Variants in STRAP observed in about 807,000 individuals in gnomAD.
The protein encoded by STRAP is serine/threonine kinase receptor associated protein.
In STRAP, 16 loss-of-function variants were observed where a neutral mutation model predicts 47.0. The ratio of observed to expected loss-of-function variants is 0.34; its 90% CI spans 0.23 to 0.52. The LOEUF is 0.52. Among genes scored for constraint, STRAP ranks in the 20% least tolerant of loss-of-function variants. The probability of loss-of-function intolerance (pLI) is 0.96; values close to 1 mark genes in which losing one functional copy is unlikely to be tolerated. For missense variants in STRAP, 293 were observed against 420.0 expected (o/e 0.70, Z 2.64); for synonymous variants, 130 against 142.7 (o/e 0.91, Z 0.63).
At position 15,896,553 on chromosome 12, in the gene STRAP, T is replaced by G. The variant is rs1948061724; in HGVS notation, c.638+1057T>G. ...TGTACAGTATTTGTGTTTTTTTTTT[T>G]AATTACTAGGACCATAATGAATACC... On this transcript the variant is annotated intron_variant, in intron 6 of 9. Transcript: ENST00000419869. This position sits in a 1 kb window ranked among gnomAD's most constrained non-coding sequence, Gnocchi z 4.1. 6.6e-6 allele frequency among the ~76,000 whole-genome samples: 1 copy of G among 152,078 alleles called. No homozygotes were observed. Among genetic ancestry groups the G allele is most frequent in the African/African-American group, 2.4e-5 (1 of 41,390 alleles).
At chr12:15,893,665 CTTATACAA>C (rs1321869589) in intron 4 of STRAP, among the ~76,000 whole-genome samples, 1 of 146,494 alleles carries the variant, frequency 6.8e-6, no homozygotes, top group Non-Finnish European at 1.5e-5. Context: ...ATTTATTATA[CTTATACAA>C]TTATACAATA....
chr12:15,898,778 A>G (rs552037890), intron 7 of STRAP, among the ~76,000 whole-genome samples: 7 of 152,264 alleles, frequency 4.6e-5, no homozygotes, highest in African/African-American at 1.7e-4. Context: ...ATTTTTATCT[A>G]TAAGCTGTCT....
intron 2 of STRAP, among the ~76,000 whole-genome samples, chr12:15,889,379 T>G (rs1386206889): frequency 2.0e-5 from 3 of 152,162 alleles, no homozygotes; most frequent in Non-Finnish European, 1.5e-5. Flanking sequence ...AAGTCAGCTT[T>G]GAAGAAGAGA....
chr12:15,896,275 A>G lies in STRAP; in HGVS notation c.638+779A>G, dbSNP rs1414287659. ...AAAAAAACAGTGTGATCTTGATTCT[A>G]CTATTTATTTTCACCTTAAAGTTTT... On this transcript the variant is annotated intron_variant, in intron 6 of 9. Coordinates refer to ENST00000419869, the MANE Select transcript of STRAP (RefSeq NM_007178.4). This position sits in a 1 kb window ranked among gnomAD's most constrained non-coding sequence, Gnocchi z 4.1. 6.6e-6 allele frequency among the ~76,000 whole-genome samples: 1 copy of G among 152,128 alleles called. No homozygotes were observed. The highest frequency in any genetic ancestry group is 1.5e-5 in the Non-Finnish European group (1 of 68,012).
chr12:15,883,161 G>A, intron 1 of STRAP: 6 of 1,531,164 alleles, frequency 3.9e-6, no homozygotes, highest in African/African-American at 1.4e-5. Flanking sequence ...GAGAAATTAG[G>A]CCAGGCCGTG....
intron 4 of STRAP, among the ~76,000 whole-genome samples, chr12:15,893,440 T>C (rs975084724): frequency 6.8e-6 from 1 of 147,150 alleles, no homozygotes; most frequent in African/African-American, 2.5e-5. Context: ...TAAAATACTT[T>C]TTATTTATTA....
At chr12:15,889,609 T>C (rs1429980568) in intron 2 of STRAP, among the ~76,000 whole-genome samples, 1 of 152,200 alleles carries the variant, frequency 6.6e-6, no homozygotes, top group African/African-American at 2.4e-5. Flanking sequence ...ATTATGGCTG[T>C]CAGCTAAAAT....
At chr12:15,900,134 G>A (rs964549489) in intron 8 of STRAP, 81 bp downstream of exon 8, 10 of 1,382,358 alleles carry the variant, frequency 7.2e-6, no homozygotes, top group Admixed American at 7.1e-5. Flanking sequence ...TTATTTCAGG[G>A]TTCCTGTTTT....
chr12:15,901,809 C>T (rs892799274), intron 9 of STRAP, among the ~76,000 whole-genome samples: 4 of 146,458 alleles, frequency 2.7e-5, no homozygotes, highest in Middle Eastern at 3.2e-3. Context: ...TGCAGCGAGC[C>T]GAGATTGCGC....
At chr12:15,889,548 A>G (rs1156781536) in intron 2 of STRAP, among the ~76,000 whole-genome samples, 1 of 152,136 alleles carries the variant, frequency 6.6e-6, no homozygotes, top group East Asian at 1.9e-4. Context: ...AAAAATTGGC[A>G]TGGTGAAACT....
At chr12:15,901,692 C>G (rs1020280957) in intron 9 of STRAP, among the ~76,000 whole-genome samples, 1 of 151,850 alleles carries the variant, frequency 6.6e-6, no homozygotes, top group African/African-American at 2.4e-5. Context: ...GAAACCCTGT[C>G]TCTACTAAAA....
At position 15,883,794 on chromosome 12, in the gene STRAP, G is replaced by T. The variant is rs183372841; in HGVS notation, c.248+118G>T. 288 of 1,338,768 alleles carry T rather than the reference G, an allele frequency of 2.2e-4. 1 individual carries two copies. The East Asian group carries it at 6.4e-3, about 30-fold the overall frequency. 82.9% of individuals were successfully genotyped at this position (1,338,768 alleles called of 1,614,324 possible). ...TGACTCACTGGCTGCCATACAGAACGCATGTTTGATCCCACCAAAATTCCA... is the reference window on the plus strand; with the variant it reads ...TGACTCACTGGCTGCCATACAGAACTCATGTTTGATCCCACCAAAATTCCA... On this transcript the variant is annotated intron_variant, in intron 2 of 9. Transcript: ENST00000419869.
chr12:15,890,295 A>G lies in STRAP; in HGVS notation c.330+286A>G, dbSNP rs1591985269. ...TCCCCAACTACTAATAGAAGGGAGAAGATAAATTTGAGATAATCAGAAAAG... is the reference window on the plus strand; with the variant it reads ...TCCCCAACTACTAATAGAAGGGAGAGGATAAATTTGAGATAATCAGAAAAG... On this transcript the variant is annotated intron_variant, in intron 3 of 9. Transcript: ENST00000419869. The surrounding 1 kb of genome is among the most constrained non-coding windows in gnomAD (Gnocchi z 4.5). Among the ~76,000 whole-genome samples, 1 of 152,218 alleles carries G rather than the reference A, an allele frequency of 6.6e-6. No homozygotes were observed. The highest frequency in any genetic ancestry group is 1.9e-4 in the East Asian group (1 of 5,194).
chr12:15,892,046 T>A (rs563782227), intron 4 of STRAP, among the ~76,000 whole-genome samples: 3 of 152,316 alleles, frequency 2.0e-5, no homozygotes, highest in African/African-American at 7.2e-5. Flanking sequence ...CAACATGTTC[T>A]AGTGAGCACT....
rs1388429251 is a variant in STRAP, at chr12:15,897,923, A to T, written c.680A>T (p.Asn227Ile). 1 of 1,590,512 alleles carries T rather than the reference A, an allele frequency of 6.3e-7. No homozygotes were observed. Among genetic ancestry groups the T allele is most frequent in the Non-Finnish European group, 8.5e-7 (1 of 1,171,212 alleles). The change falls in exon 7 of 10, where the codon AAT becomes ATT. Residue 227 changes from asparagine (N) to isoleucine (I), a missense_variant. By Grantham distance (149) the Asn-to-Ile change is moderately radical (BLOSUM62 -3). Around this residue, in one of 5 missense-constraint regions of STRAP, gnomAD observed 152 missense variants for 183.0 expected, o/e 0.83. Coordinates refer to ENST00000419869, the MANE Select transcript of STRAP (RefSeq NM_007178.4). ...TCCTTTGAAGCTCCTGCAACCATCA[A>T]TTCTGCATCTCTTCATCCTGAGAAA... ...IKSFEAPATI[N>I]SASLHPEKEF...
At chr12:15,902,781 C>G (rs1048176558) in intron 9 of STRAP, 136 bp from the exon 10 acceptor site, 8 of 1,081,704 alleles carry the variant, frequency 7.4e-6, no homozygotes, top group African/African-American at 3.3e-5. Flanking sequence ...TGCAGTTGCT[C>G]TCTTCTTTCC....
rs747525922 is a variant in STRAP at position 15,902,945 on chromosome 12, C to T, written c.1020C>T (p.Cys340=). 2 of 1,489,766 alleles carry T rather than the reference C, an allele frequency of 1.3e-6. No individual in the cohort carries two copies. The highest frequency in any genetic ancestry group is 2.5e-5 in the South Asian group (2 of 79,880). 92.3% of individuals were successfully genotyped at this position (1,489,766 alleles called of 1,614,324 possible). The change falls in exon 10 of 10, where the codon TGC becomes TGT. Residue 340 remains cysteine, a synonymous_variant. Coordinates refer to ENST00000419869, the MANE Select transcript of STRAP (RefSeq NM_007178.4). ...AAATTGCTTCAGAGAATTCAGATTG[C>T]ATCTTTCCTTCAGCTCCTGATGTTA... The part of the protein sequence containing the change: ...LEEIASENSD[C]IFPSAPDVKA
At chr12:15,900,117 A>G (rs1948091619) in intron 8 of STRAP, 64 bp downstream of exon 8, 2 of 1,468,322 alleles carry the variant, frequency 1.4e-6, no homozygotes, top group Non-Finnish European at 1.8e-6. Context: ...ATTTTTAATC[A>G]TTAATTTTAT....
chr12:15,882,660 A>G lies in STRAP; in HGVS notation c.-48A>G, dbSNP rs1438839878. The G allele has an allele frequency of 2.4e-5, 36 of 1,519,580 alleles. No individual in the cohort carries two copies. Among genetic ancestry groups the G allele is most frequent in the Non-Finnish European group, 3.2e-5 (36 of 1,115,850 alleles). 94.1% of individuals were successfully genotyped at this position (1,519,580 alleles called of 1,614,324 possible). On this transcript the variant is annotated 5_prime_UTR_variant, in exon 1 of 10. Transcript: ENST00000419869. ...CACTGCAGCAGAAGAGAGAAAAGAC[A>G]ACGACGACCCTCAGCTCGCCAGTCC... is the stretch of plus-strand genomic sequence containing the variant.
Sources: allele counts gnomAD v4.1 joint callset (sites outside exome capture counted in the v4.1 genomes callset), GRCh38; gene constraint gnomAD v4.1.1; regional missense constraint gnomAD v4.1.1; non-coding constraint Gnocchi (gnomAD v3.1); transcripts MANE v1.5; gene names NCBI Gene and HGNC (gene_info 2026-07-23, HGNC 2026-07-21).